PAX9: variants seen among roughly 807,000 people sequenced by gnomAD.
The protein encoded by PAX9 is paired box protein Pax-9.
In PAX9, 6 loss-of-function variants were observed where a neutral mutation model predicts 29.1. That is an observed-to-expected ratio of 0.21 (90% CI 0.11 to 0.41). The LOEUF (loss-of-function observed/expected upper bound fraction) is 0.41. Ranked by LOEUF, PAX9 falls within the 10% of genes least tolerant of loss-of-function variation. PAX9 has a pLI of 1.00. For synonymous variants in PAX9, 217 were observed against 211.7 expected (o/e 1.03, Z -0.22); for missense variants, 443 against 479.1 (o/e 0.92, Z 0.70).
chr14:36,663,039 G>T lies in PAX9; in HGVS notation c.147G>T (p.Ser49=). 6 of 1,613,812 alleles carry T rather than the reference G, an allele frequency of 3.7e-6. No homozygotes were observed. Among genetic ancestry groups the T allele is most frequent in the Admixed American group, 1.7e-5 (1 of 60,028 alleles). The change falls in exon 2 of 4, where the codon TCG becomes TCT. Residue 49 remains serine, a synonymous_variant. Transcript: ENST00000361487. ...PCDISRQLRV[S]HGCVSKILAR... is the part of the protein sequence containing the mutation. ...ACATCAGCCGCCAGCTACGGGTCTC[G>T]CACGGCTGCGTCAGCAAGATCCTGG... is the stretch of plus-strand genomic sequence containing the variant.
At chr14:36,671,267 C>G in intron 3 of PAX9, 1 of 205,098 alleles carries the variant, frequency 4.9e-6, no homozygotes, top group Non-Finnish European at 1.0e-5. Flanking sequence ...TAGACAATTC[C>G]CAGAATTTGA....
In PAX9 at chr14:36,662,952, G is replaced by A; in HGVS notation, c.60G>A (p.Pro20=). Residue 20 remains proline (P), a synonymous_variant, in exon 2 of 4, where the codon CCG becomes CCA. Coordinates refer to ENST00000361487, the MANE Select transcript of PAX9 (RefSeq NM_001372076.1). The part of the protein sequence containing the change: ...QLGGVFVNGR[P]LPNAIRLRIV... ...GAGGAGTGTTCGTGAACGGGAGGCC[G>A]CTGCCCAACGCCATCCGGCTTCGCA... 2 of 1,613,120 alleles carry A rather than the reference G, an allele frequency of 1.2e-6. No individual in the cohort carries two copies. The highest frequency in any genetic ancestry group is 1.7e-6 in the Non-Finnish European group (2 of 1,179,712).
At chr14:36,658,205 G>A (rs12885612), upstream of PAX9, among the ~76,000 whole-genome samples, 23,839 of 152,128 alleles carry the variant, frequency 0.16, 2,452 homozygotes, top group East Asian at 0.29. Flanking sequence ...CGCGCGCAAT[G>A]CCCCAACTGA....
rs1426746025 is a variant in PAX9, at chr14:36,663,489, C to A, written c.597C>A (p.Thr199=). The change falls in exon 2 of 4, where the codon ACC becomes ACA. Residue 199 remains threonine, a synonymous_variant. Transcript: ENST00000361487. ...CCTGGCCCTCCTCGCACTCCGTCAC[C>A]GACATCCTGGGCATCCGCTCCATCA... The part of the protein sequence containing the change: ...PRTWPSSHSV[T]DILGIRSITD... The A allele has an allele frequency of 3.1e-6, 5 of 1,612,856 alleles. No homozygotes were observed. The African/African-American group carries it at 6.7e-5, about 22-fold the overall frequency.
At chr14:36,664,984 T>C (rs1404421569) in intron 2 of PAX9, among the ~76,000 whole-genome samples, 1 of 152,036 alleles carries the variant, frequency 6.6e-6, no homozygotes. Context: ...AAGTGTGAGA[T>C]CAGCAGAAAT....
rs770506286 is a variant in PAX9, at chr14:36,662,932, G to A, written c.40G>A (p.Val14Met). Residue 14 changes from valine (V) to methionine (M), a missense_variant, in exon 2 of 4, where the codon GTG (valine) becomes ATG (methionine). By Grantham distance (21) the Val-to-Met change is conservative. Transcript: ENST00000361487. ...CGGGGAGGTGAACCAGCTGGGAGGA[G>A]TGTTCGTGAACGGGAGGCCGCTGCC... ...AFGEVNQLGG[V>M]FVNGRPLPNA... The A allele has an allele frequency of 4.3e-6, 7 of 1,612,942 alleles. No homozygotes were observed. In the East Asian group the frequency reaches 1.6e-4, roughly 36 times the overall value.
At chr14:36,662,748 C>A in intron 1 of PAX9, 149 bp from the exon 2 acceptor site, 2 of 927,406 alleles carry the variant, frequency 2.2e-6, no homozygotes, top group Non-Finnish European at 3.3e-6. Context: ...CGGCTATGTT[C>A]AGGGACCATA....
upstream of PAX9, among the ~76,000 whole-genome samples, chr14:36,660,594 C>T (rs1305023813): frequency 6.6e-6 from 1 of 152,190 alleles, no homozygotes; most frequent in Non-Finnish European, 1.5e-5. Context: ...CAGTCAGCTT[C>T]TCTGGGTGTA....
rs747512852 is a variant in PAX9 at position 36,666,619 on chromosome 14, A to G, written c.771+18A>G. On this transcript the variant is annotated intron_variant, in intron 3 of 3. Transcript: ENST00000361487. ...ACGGTCAGGTGAGGAGGCGAGGGTC[A>G]GGCCAGGTGGGCCGCGTGGCGGCGG... 4.5e-6 allele frequency: 7 copies of G among 1,557,984 alleles called. No homozygotes were observed. The African/African-American group carries it at 6.8e-5, about 15-fold the overall frequency.
At chr14:36,672,661 A>G (rs911030722) in intron 3 of PAX9, among the ~76,000 whole-genome samples, 1 of 150,870 alleles carries the variant, frequency 6.6e-6, no homozygotes, top group African/African-American at 2.4e-5. Flanking sequence ...TATAAATCTG[A>G]GCTTCAAAAG....
At chr14:36,668,178 T>G (rs1267352534) in intron 3 of PAX9, among the ~76,000 whole-genome samples, 2 of 152,178 alleles carry the variant, frequency 1.3e-5, no homozygotes, top group Admixed American at 1.3e-4. Flanking sequence ...CTTCAAGAGA[T>G]TTTGTTACAA....
chr14:36,676,886 A>ACCACCG lies in PAX9; in HGVS notation c.*434_*435insCCACCG. On this transcript the variant is annotated 3_prime_UTR_variant, in exon 4 of 4. Transcript: ENST00000361487. ...TCAATAAAGGAAAATACTTATAGAA[A>ACCACCG]AAATTATGCTACACCCTCTAATCAA... The ACCACCG allele has an allele frequency of 4.5e-6, 1 of 220,524 alleles. No individual in the cohort carries two copies. Among genetic ancestry groups the ACCACCG allele is most frequent in the Non-Finnish European group, 9.2e-6 (1 of 108,724 alleles). The allele number at this position is 220,524 out of a possible 1,614,324, so 13.7% of individuals were successfully genotyped here.
rs1011013119 is a variant in PAX9, at chr14:36,678,688, A to G, written c.*2236A>G. On this transcript the variant is annotated 3_prime_UTR_variant, in exon 4 of 4. Coordinates refer to ENST00000361487, the MANE Select transcript of PAX9 (RefSeq NM_001372076.1). The stretch of plus-strand genomic sequence containing the variant: ...ATTACTTGCTTGTGTGGAAATGCAA[A>G]TAATGTTATTTTCTTTATCTAAATT... The G allele has an allele frequency of 1.6e-6, 2 of 1,250,984 alleles. No homozygotes were observed. The highest frequency in any genetic ancestry group is 3.1e-5 in the African/African-American group (2 of 65,318). The allele number at this position is 1,250,984 out of a possible 1,614,324, so 77.5% of individuals were successfully genotyped here.
intron 2 of PAX9, among the ~76,000 whole-genome samples, chr14:36,664,669 A>G (rs1215477679): frequency 6.6e-6 from 1 of 151,332 alleles, no homozygotes; most frequent in Non-Finnish European, 1.5e-5. Flanking sequence ...TAGATAGTCC[A>G]CTTTCTTAAT....
At chr14:36,676,123 G>A (rs778062003) in intron 3 of PAX9, 75 bp from the exon 4 acceptor site, 2 of 1,523,780 alleles carry the variant, frequency 1.3e-6, no homozygotes, top group Admixed American at 1.7e-5. Flanking sequence ...CTTAAGTTCT[G>A]CTTCTTTCTA....
rs1444809716 is a variant in PAX9, at chr14:36,666,544, G to C, written c.714G>C (p.Pro238=). Residue 238 remains proline (P), a synonymous_variant, in exon 3 of 4, where the codon CCG becomes CCC. Transcript: ENST00000361487. Reference sequence around the variant, plus strand: ...GCAACAACTTCCCCGCCGCCGCCCCGCACGCGGTGAACGGGTTGGAGAAGG... The same window carrying C: ...GCAACAACTTCCCCGCCGCCGCCCCCCACGCGGTGAACGGGTTGGAGAAGG... The part of the protein sequence containing the change: ...LGRNNFPAAA[P]HAVNGLEKGA... 1.3e-6 allele frequency: 2 copies of C among 1,589,582 alleles called. No homozygotes were observed. The highest frequency in any genetic ancestry group is 2.3e-5 in the South Asian group (2 of 87,222).
rs771849784 is a variant in PAX9, at chr14:36,676,303, C to T, written c.877C>T (p.Pro293Ser). The T allele has an allele frequency of 9.3e-6, 15 of 1,614,080 alleles. No individual in the cohort carries two copies. The South Asian group carries it at 9.9e-5, about 11-fold the overall frequency. ...VSPYMTYSAA[P>S]SGYVAGHGWQ... ...GCCTTACATGACCTACAGTGCTGCT[C>T]CTTCTGGTTATGTTGCTGGACATGG... Residue 293 changes from proline to serine, a missense_variant, in exon 4 of 4, where the codon CCT (proline) becomes TCT (serine). Physicochemically the swap from Pro to Ser is moderately conservative, Grantham distance 74. Coordinates refer to ENST00000361487, the MANE Select transcript of PAX9 (RefSeq NM_001372076.1).
chr14:36,666,156 T>C, intron 2 of PAX9: 1 of 391,248 alleles, frequency 2.6e-6, no homozygotes, highest in Non-Finnish European at 4.7e-6. Flanking sequence ...CTTCCACTCC[T>C]TTGCCCTGGG....
chr14:36,657,698 G>C (rs1302585201), upstream of PAX9: 1 of 152,180 alleles, frequency 6.6e-6, no homozygotes, highest in Non-Finnish European at 1.5e-5. Context: ...TTCCGAGCTC[G>C]GGCCCGACCC....
Sources: gnomAD v4.1 joint callset for allele counts (sites outside exome capture counted in the v4.1 genomes callset) on GRCh38, gnomAD v4.1.1 for gene constraint, MANE v1.5 for transcripts, NCBI Gene and HGNC (gene_info 2026-07-23, HGNC 2026-07-21) for gene names.